Variants in EDARADD observed in about 807,000 individuals in gnomAD.
The protein encoded by EDARADD is ectodysplasin-A receptor-associated adapter protein.
A neutral mutation model predicts 25.6 loss-of-function variants in EDARADD; 20 were observed. The observed-to-expected ratio is 0.78, with a 90% confidence interval of 0.55 to 1.14. The LOEUF (loss-of-function observed/expected upper bound fraction) is 1.14. Ranked by LOEUF, EDARADD falls within the 50% of genes most tolerant of loss-of-function variation. EDARADD has a pLI of 0.00. For synonymous variants in EDARADD, 86 were observed against 94.4 expected (o/e 0.91, Z 0.52); for missense variants, 225 against 270.1 (o/e 0.83, Z 1.17).
chr1:236,438,786 G>GTC (rs1369265205), intron 4 of EDARADD, among the ~76,000 whole-genome samples: 3 of 152,000 alleles, frequency 2.0e-5, no homozygotes. Flanking sequence ...CACCCCCATT[G>GTC]TCAGCATCCT....
At chr1:236,367,708 G>A (rs1043599655) in intron 3 of EDARADD, among the ~76,000 whole-genome samples, 1 of 152,158 alleles carries the variant, frequency 6.6e-6, no homozygotes, top group African/African-American at 2.4e-5. Context: ...GGGCTAAGAT[G>A]TTTTGGCTTA....
intron 2 of EDARADD, among the ~76,000 whole-genome samples, chr1:236,410,175 C>T (rs1281300382): frequency 6.6e-6 from 1 of 152,008 alleles, no homozygotes; most frequent in Non-Finnish European, 1.5e-5. Context: ...GTTTGGGCTT[C>T]TCATAAATCC....
At chr1:236,407,695 C>T (rs1266361869) in intron 1 of EDARADD, among the ~76,000 whole-genome samples, 6 of 152,308 alleles carry the variant, frequency 3.9e-5, no homozygotes, top group East Asian at 1.9e-4. Context: ...AGGTCGTTCA[C>T]TGCACAAATC....
At chr1:236,417,992 C>T (rs1657683853) in intron 3 of EDARADD, among the ~76,000 whole-genome samples, 1 of 141,192 alleles carries the variant, frequency 7.1e-6, no homozygotes, top group South Asian at 2.2e-4. Flanking sequence ...CTCGCTCTGT[C>T]GCCCAGGCTG....
intron 4 of EDARADD, among the ~76,000 whole-genome samples, chr1:236,460,558 G>A (rs567500292): frequency 6.6e-6 from 1 of 152,122 alleles, no homozygotes; most frequent in African/African-American, 2.4e-5. Flanking sequence ...TTTTTATACG[G>A]ACTTATATTG....
intron 3 of EDARADD, among the ~76,000 whole-genome samples, chr1:236,351,625 G>A (rs926384085): frequency 1.3e-5 from 2 of 151,272 alleles, no homozygotes; most frequent in Non-Finnish European, 2.9e-5. Context: ...CAGGAGAATC[G>A]CTTGAACCCA....
intron 5 of EDARADD, among the ~76,000 whole-genome samples, chr1:236,479,233 T>C (rs1400539815): frequency 1.3e-5 from 2 of 152,106 alleles, no homozygotes. Flanking sequence ...CGGTGGCTCA[T>C]ACCTGTAATC....
intron 1 of EDARADD, among the ~76,000 whole-genome samples, chr1:236,406,682 A>G (rs890475621): frequency 6.6e-6 from 1 of 152,186 alleles, no homozygotes; most frequent in Non-Finnish European, 1.5e-5. Flanking sequence ...TTAATGTGTC[A>G]TGTTCTCTCT....
intron 4 of EDARADD, among the ~76,000 whole-genome samples, chr1:236,463,546 C>T (rs1439515203): frequency 6.6e-6 from 1 of 152,258 alleles, no homozygotes; most frequent in Admixed American, 6.5e-5. Context: ...GCCCGCCTCG[C>T]CTCCCCAGTG....
intron 1 of EDARADD, among the ~76,000 whole-genome samples, chr1:236,399,257 C>T (rs1247725944): frequency 1.3e-5 from 2 of 152,180 alleles, no homozygotes; most frequent in South Asian, 4.1e-4. Flanking sequence ...TCTTGGCTCA[C>T]GGTGACCTCC....
At chr1:236,405,051 G>T (rs991803726) in intron 1 of EDARADD, among the ~76,000 whole-genome samples, 3 of 150,336 alleles carry the variant, frequency 2.0e-5, no homozygotes, top group Non-Finnish European at 4.4e-5. Context: ...CCGAGATCAC[G>T]CCACTGCACT....
intron 4 of EDARADD, among the ~76,000 whole-genome samples, chr1:236,438,116 C>CGCTT (rs761156421): frequency 2.0e-5 from 1 of 50,350 alleles, no homozygotes; most frequent in Non-Finnish European, 6.9e-5. Context: ...ATAGTTTTCC[C>CGCTT]TCTTTGTCTG....
At chr1:236,414,660 G>A (rs1259723351) in intron 3 of EDARADD, among the ~76,000 whole-genome samples, 1 of 152,070 alleles carries the variant, frequency 6.6e-6, no homozygotes, top group Non-Finnish European at 1.5e-5. Flanking sequence ...CTGGCCAGGC[G>A]CGGTGGCTCG....
rs780366105 is a variant in EDARADD at position 236,482,532 on chromosome 1, C to A, written c.531C>A (p.Gly177=). Residue 177 remains glycine, a synonymous_variant, in exon 6 of 6, where the codon GGC becomes GGA. Coordinates refer to ENST00000334232, the MANE Select transcript of EDARADD (RefSeq NM_145861.4). ...TCCGGAACAGTCAGAGGACGGTGGGCCAGCTGATGGAGCTCTGCAGGCTCT... is the reference window on the plus strand; with the variant it reads ...TCCGGAACAGTCAGAGGACGGTGGGACAGCTGATGGAGCTCTGCAGGCTCT... The part of the protein sequence containing the change: ...FLLRNSQRTV[G]QLMELCRLYH... 1 of 1,612,860 alleles carries A rather than the reference C, an allele frequency of 6.2e-7. No individual in the cohort carries two copies. Among genetic ancestry groups the A allele is most frequent in the Admixed American group, 1.7e-5 (1 of 59,970 alleles).
intron 1 of EDARADD, among the ~76,000 whole-genome samples, chr1:236,400,720 A>ATTTTTTTTTTTTT (rs55864840): frequency 4.5e-4 from 55 of 121,162 alleles, no homozygotes; most frequent in Non-Finnish European, 5.6e-4. Context: ...ACACCCGGCT[A>ATTTTTTTTTTTTT]TTTTTTTTTT....
intron 3 of EDARADD, among the ~76,000 whole-genome samples, chr1:236,380,126 G>T (rs371730282): frequency 6.6e-6 from 1 of 151,942 alleles, no homozygotes; most frequent in Non-Finnish European, 1.5e-5. Flanking sequence ...CCTTCATAAC[G>T]CTCCCATGCC....
At chr1:236,415,140 A>G (rs903734187) in intron 3 of EDARADD, among the ~76,000 whole-genome samples, 6 of 152,198 alleles carry the variant, frequency 3.9e-5, no homozygotes, top group Non-Finnish European at 8.8e-5. Flanking sequence ...TGATTGTGGC[A>G]GTTCAGGTCA....
At chr1:236,440,857 C>T (rs1458858427) in intron 4 of EDARADD, among the ~76,000 whole-genome samples, 4 of 152,132 alleles carry the variant, frequency 2.6e-5, no homozygotes, top group Non-Finnish European at 5.9e-5. Context: ...CCTCTGTCTC[C>T]CTCTTCTTGG....
intron 4 of EDARADD, among the ~76,000 whole-genome samples, chr1:236,432,751 G>C (rs748087013): frequency 6.6e-6 from 1 of 152,080 alleles, no homozygotes; most frequent in Non-Finnish European, 1.5e-5. Context: ...TGGGCATGGT[G>C]GTGGGTGCCT....
Sources: allele counts gnomAD v4.1 joint callset (sites outside exome capture counted in the v4.1 genomes callset), GRCh38; gene constraint gnomAD v4.1.1; transcripts MANE v1.5; gene names NCBI Gene and HGNC (gene_info 2026-07-23, HGNC 2026-07-21).